AHR: variants seen among roughly 807,000 people sequenced by gnomAD.
AHR encodes aryl hydrocarbon receptor, also known as AH-receptor.
Under a neutral mutation model 86.8 loss-of-function variants are expected in AHR, and 40 were observed. The ratio of observed to expected loss-of-function variants is 0.46; its 90% CI spans 0.36 to 0.60. The LOEUF is 0.60. AHR is among the 20% of genes least tolerant of loss of function. AHR has a pLI of 0.00. For missense variants in AHR, 1,001 were observed against 1,011.6 expected (o/e 0.99, Z 0.14); for synonymous variants, 398 against 354.9 (o/e 1.12, Z -1.37).
At chr7:17,300,956 A>G (rs1781949325) in intron 1 of AHR, among the ~76,000 whole-genome samples, 1 of 152,122 alleles carries the variant, frequency 6.6e-6, no homozygotes, top group Admixed American at 6.5e-5. Context: ...AACAAATGCC[A>G]TAATTTTGTA....
At chr7:17,310,916 G>A (rs1584031317) in intron 2 of AHR, among the ~76,000 whole-genome samples, 1 of 152,178 alleles carries the variant, frequency 6.6e-6, no homozygotes, top group Non-Finnish European at 1.5e-5. Context: ...AAGAACATTT[G>A]ATTGTAAGAG....
chr7:17,329,993 C>G lies in AHR; in HGVS notation c.492C>G (p.Thr164=), dbSNP rs147237881. 2 of 1,610,820 alleles carry G rather than the reference C, an allele frequency of 1.2e-6. No individual in the cohort carries two copies. The highest frequency in any genetic ancestry group is 2.2e-5 in the East Asian group (1 of 44,824). Residue 164 remains threonine, a synonymous_variant, in exon 5 of 11, where the codon ACC becomes ACG. Transcript: ENST00000242057. Reference sequence around the variant, plus strand: ...AGAGTGTATATGAACTTATCCATACCGAAGACCGAGCTGAATTTCAGCGTC... The same window carrying G: ...AGAGTGTATATGAACTTATCCATACGGAAGACCGAGCTGAATTTCAGCGTC... The part of the protein sequence containing the change: ...IHQSVYELIH[T]EDRAEFQRQL...
intron 9 of AHR, among the ~76,000 whole-genome samples, chr7:17,337,987 C>T (rs1324522011): frequency 1.3e-5 from 2 of 150,826 alleles, no homozygotes; most frequent in Non-Finnish European, 3.0e-5. Flanking sequence ...ATCACGAGGT[C>T]AGGAGATCGA....
At chr7:17,323,149 C>T (rs1039121131) in intron 3 of AHR, among the ~76,000 whole-genome samples, 6 of 152,096 alleles carry the variant, frequency 3.9e-5, no homozygotes, top group African/African-American at 1.4e-4. Flanking sequence ...TCAACCCCTT[C>T]TGTTGTATTA....
rs1170103600 is a variant in AHR, at chr7:17,322,595, A to G, written c.348A>G (p.Glu116=). The change falls in exon 3 of 11, where the codon GAA becomes GAG. Residue 116 remains glutamate (E), a synonymous_variant. Transcript: ENST00000242057. ...AAGGCCTGAACTTACAAGAAGGAGA[A>G]TTCTTATTACAGGTAAATTTTAGTA... ...FREGLNLQEG[E]FLLQALNGFV... 1 of 1,604,296 alleles carries G rather than the reference A, an allele frequency of 6.2e-7. No individual in the cohort carries two copies. The highest frequency in any genetic ancestry group is 2.2e-5 in the East Asian group (1 of 44,768).
At chr7:17,307,991 C>T (rs1331188725) in intron 1 of AHR, among the ~76,000 whole-genome samples, 4 of 152,170 alleles carry the variant, frequency 2.6e-5, no homozygotes, top group African/African-American at 7.2e-5. Context: ...ACCAGCATCA[C>T]GTCTGTCACC....
intron 9 of AHR, chr7:17,336,097 AT>A (rs1414780207): frequency 4.8e-6 from 1 of 209,730 alleles, no homozygotes; most frequent in East Asian, 1.4e-4. Flanking sequence ...TTTATTTAGA[AT>A]ATATTCTCTA....
At position 17,299,188 on chromosome 7, in the gene AHR, T is replaced by C; in HGVS notation, c.-77T>C. On this transcript the variant is annotated 5_prime_UTR_variant, in exon 1 of 11. Coordinates refer to ENST00000242057, the MANE Select transcript of AHR (RefSeq NM_001621.5). The stretch of plus-strand genomic sequence containing the variant: ...CGGAACCCGGCGCCGGCCGCCGCAG[T>C]GGTCCCAGCCTACACCGGGTTCCGG... 1 of 1,484,750 alleles carries C rather than the reference T, an allele frequency of 6.7e-7. No individual in the cohort carries two copies. Among genetic ancestry groups the C allele is most frequent in the South Asian group, 1.3e-5 (1 of 78,042 alleles). 92.0% of individuals were successfully genotyped at this position (1,484,750 alleles called of 1,614,324 possible).
At chr7:17,338,894 T>C in intron 9 of AHR, 92 bp from the exon 10 acceptor site, 2 of 1,198,022 alleles carry the variant, frequency 1.7e-6, no homozygotes, top group Admixed American at 2.7e-5. Context: ...AATTACAATG[T>C]ATTTTGCTTT....
chr7:17,317,116 GTTTT>G (rs66779121), intron 2 of AHR, among the ~76,000 whole-genome samples: 1 of 123,684 alleles, frequency 8.1e-6, no homozygotes, highest in Non-Finnish European at 1.6e-5. Context: ...GGAGAATTTT[GTTTT>G]TTTTTTTTTT....
chr7:17,315,547 A>T (rs1180778832), intron 2 of AHR, among the ~76,000 whole-genome samples: 1 of 151,902 alleles, frequency 6.6e-6, no homozygotes, highest in Non-Finnish European at 1.5e-5. Context: ...ACAGGTCATT[A>T]GTCATCATTT....
At position 17,322,503 on chromosome 7, in the gene AHR, G is replaced by A. The variant is rs780743731; in HGVS notation, c.256G>A (p.Ala86Thr). The change falls in exon 3 of 11, where the codon GCA becomes ACA. Residue 86 changes from alanine to threonine, a missense_variant and splice_region_variant. Ala to Thr is a moderately conservative substitution (Grantham distance 58, BLOSUM62 0). Coordinates refer to ENST00000242057, the MANE Select transcript of AHR (RefSeq NM_001621.5). ...TTGTTTTTCCTTTTTTTCCATAGTT[G>A]CATTAAAATCCTCCCCTACTGAAAG... is the stretch of plus-strand genomic sequence containing the variant. ...YLRAKSFFDV[A>T]LKSSPTERNG... The A allele has an allele frequency of 6.3e-7, 1 of 1,595,184 alleles. No individual in the cohort carries two copies. Among genetic ancestry groups the A allele is most frequent in the South Asian group, 1.1e-5 (1 of 89,590 alleles).
intron 1 of AHR, 167 bp downstream of exon 1, chr7:17,299,496 T>G (rs1781932153): frequency 1.4e-6 from 1 of 738,776 alleles, no homozygotes; most frequent in Admixed American, 3.0e-5. Flanking sequence ...ACAGAGGACT[T>G]GGATTCTCCC....
intron 3 of AHR, among the ~76,000 whole-genome samples, chr7:17,326,510 A>G (rs1003037000): frequency 3.3e-5 from 5 of 152,198 alleles, no homozygotes; most frequent in Non-Finnish European, 7.4e-5. Flanking sequence ...TATTATTTAT[A>G]TAGCTCTTTA....
chr7:17,327,207 T>TA (rs911145000), intron 3 of AHR, among the ~76,000 whole-genome samples: 8 of 152,066 alleles, frequency 5.3e-5, no homozygotes, highest in Non-Finnish European at 1.0e-4. Flanking sequence ...GTGGACTAAA[T>TA]TCACTGTATG....
intron 2 of AHR, among the ~76,000 whole-genome samples, chr7:17,318,755 T>C (rs1782140793): frequency 6.6e-6 from 1 of 152,190 alleles, no homozygotes; most frequent in African/African-American, 2.4e-5. Context: ...TTTACAGTTT[T>C]GAAGTATAGT....
intron 1 of AHR, among the ~76,000 whole-genome samples, chr7:17,303,633 A>AT (rs904981808): frequency 6.6e-6 from 1 of 151,918 alleles, no homozygotes; most frequent in Non-Finnish European, 1.5e-5. Flanking sequence ...ATATTCTATA[A>AT]TTTTTTTAAC....
intron 10 of AHR, among the ~76,000 whole-genome samples, chr7:17,340,620 T>G (rs1232372462): frequency 1.3e-5 from 2 of 152,228 alleles, no homozygotes; most frequent in Non-Finnish European, 2.9e-5. Context: ...AAAAAACGTA[T>G]TGCAATTTTT....
intron 2 of AHR, among the ~76,000 whole-genome samples, chr7:17,317,868 C>G (rs1782131721): frequency 6.6e-6 from 1 of 152,048 alleles, no homozygotes; most frequent in African/African-American, 2.4e-5. Flanking sequence ...AACTCATTCC[C>G]CACTGAAAAG....
Sources: allele counts gnomAD v4.1 joint callset (sites outside exome capture counted in the v4.1 genomes callset), GRCh38; gene constraint gnomAD v4.1.1; transcripts MANE v1.5; gene names NCBI Gene and HGNC (gene_info 2026-07-23, HGNC 2026-07-21).